Variants in LRRC7 observed in about 807,000 individuals in gnomAD.
The protein encoded by LRRC7 is leucine rich repeat containing 7.
Under a neutral mutation model 175.7 loss-of-function variants are expected in LRRC7, and 23 were observed. The observed-to-expected ratio is 0.13, with a 90% confidence interval of 0.09 to 0.19. The LOEUF (loss-of-function observed/expected upper bound fraction) is 0.19. Ranked by LOEUF, LRRC7 falls within the 10% of genes least tolerant of loss-of-function variation. LRRC7 has a pLI of 1.00. For synonymous variants in LRRC7, 685 were observed against 680.9 expected (o/e 1.01, Z -0.09); for missense variants, 1,354 against 1,904.7 (o/e 0.71, Z 5.38).
At chr1:70,120,910 G>A (rs1189883295) in intron 26 of LRRC7, among the ~76,000 whole-genome samples, 3 of 151,946 alleles carry the variant, frequency 2.0e-5, no homozygotes, top group Non-Finnish European at 4.4e-5. Context: ...AAGGCTTATG[G>A]GATACACTTC....
chr1:69,826,112 T>G (rs1400919593), intron 5 of LRRC7, among the ~76,000 whole-genome samples: 1 of 152,130 alleles, frequency 6.6e-6, no homozygotes, highest in Non-Finnish European at 1.5e-5. Flanking sequence ...GAGTTGAAAC[T>G]AATAAAACAG....
At chr1:69,856,487 CT>C (rs1683644669) in intron 7 of LRRC7, among the ~76,000 whole-genome samples, 2 of 152,128 alleles carry the variant, frequency 1.3e-5, no homozygotes, top group Non-Finnish European at 2.9e-5. Flanking sequence ...ATAAACACCT[CT>C]ACACAAATAG....
chr1:69,885,417 G>A (rs1315320453), intron 7 of LRRC7, among the ~76,000 whole-genome samples: 4 of 145,226 alleles, frequency 2.8e-5, no homozygotes, highest in Non-Finnish European at 1.5e-5. Context: ...GGTGTTTGTA[G>A]TATTCTCTGA....
At chr1:69,934,798 T>C (rs1199178612) in intron 8 of LRRC7, among the ~76,000 whole-genome samples, 3 of 152,248 alleles carry the variant, frequency 2.0e-5, no homozygotes, top group African/African-American at 7.2e-5. Flanking sequence ...ATCATCCTCT[T>C]TGCTGACCAT....
chr1:70,054,366 A>G (rs1660969818), intron 23 of LRRC7, among the ~76,000 whole-genome samples: 1 of 152,168 alleles, frequency 6.6e-6, no homozygotes, highest in African/African-American at 2.4e-5. Flanking sequence ...ATGTAATACC[A>G]TGTTTACAAA....
intron 26 of LRRC7, among the ~76,000 whole-genome samples, chr1:70,120,153 T>C (rs113343235): frequency 6.8e-4 from 104 of 152,076 alleles, no homozygotes; most frequent in Non-Finnish European, 1.3e-3. Context: ...AAATGTAACC[T>C]CATTGTCTGA....
rs536045162 is a variant in LRRC7 at position 70,126,266 on chromosome 1, C to G, written c.*4379C>G. ...ACTAATTTGTGATATGCCGACCAAA[C>G]AGCAAGTTTATTGGCACACTGGGTC... is the stretch of plus-strand genomic sequence containing the variant. On this transcript the variant is annotated 3_prime_UTR_variant, in exon 27 of 27. Coordinates refer to ENST00000651989, the MANE Select transcript of LRRC7 (RefSeq NM_001370785.2). 2.0e-5 allele frequency among the ~76,000 whole-genome samples: 3 copies of G among 151,902 alleles called. No homozygotes were observed. Among genetic ancestry groups the G allele is most frequent in the African/African-American group, 7.3e-5 (3 of 41,336 alleles).
intron 8 of LRRC7, among the ~76,000 whole-genome samples, chr1:69,965,910 C>T (rs1651619854): frequency 6.6e-6 from 1 of 152,050 alleles, no homozygotes; most frequent in Middle Eastern, 3.4e-3. Flanking sequence ...AAAAGATTTC[C>T]CACTTGTGAG....
intron 18 of LRRC7, among the ~76,000 whole-genome samples, chr1:70,029,534 A>T (rs1193138872): frequency 6.6e-6 from 1 of 152,144 alleles, no homozygotes; most frequent in Non-Finnish European, 1.5e-5. Context: ...TTTTTTGCTT[A>T]TAAAATCAGT....
At position 69,938,995 on chromosome 1, in the gene LRRC7, T is replaced by TTATA. The variant is rs71583104; in HGVS notation, c.711+7441_711+7444dup. 5.2e-3 allele frequency among the ~76,000 whole-genome samples: 511 copies of TTATA among 97,400 alleles called. 21 individuals carry two copies. Among genetic ancestry groups the TTATA allele is most frequent in the African/African-American group, 0.011 (274 of 25,228 alleles). 63.9% of individuals were successfully genotyped at this position (97,400 alleles called of 152,430 possible). A position where few individuals can be genotyped will look rare whatever the true frequency, so the allele number is the denominator to read the frequency against. ...TTTGTAAAGCCACTAAGGCTGTAGA[T>TTATA]TATATATATATATATATATCTATAT... is the stretch of plus-strand genomic sequence containing the variant. On this transcript the variant is annotated intron_variant, in intron 8 of 26. Transcript: ENST00000651989.
At chr1:69,602,535 A>G (rs1647119324) in intron 1 of LRRC7, among the ~76,000 whole-genome samples, 1 of 148,760 alleles carries the variant, frequency 6.7e-6, no homozygotes, top group Non-Finnish European at 1.5e-5. Context: ...TACTAATGTC[A>G]AATCTTTGTT....
chr1:69,775,669 C>A (rs1425401344), intron 3 of LRRC7, among the ~76,000 whole-genome samples: 1 of 152,158 alleles, frequency 6.6e-6, no homozygotes, highest in Admixed American at 6.5e-5. Flanking sequence ...GAGTCAGGAT[C>A]TACTATAGCA....
chr1:70,085,221 G>T (rs1663517430), intron 24 of LRRC7, among the ~76,000 whole-genome samples: 1 of 152,176 alleles, frequency 6.6e-6, no homozygotes, highest in Admixed American at 6.5e-5. Context: ...CTAAGGTGAT[G>T]AACTTTACTC....
chr1:69,656,371 C>G (rs1390703558), intron 1 of LRRC7, among the ~76,000 whole-genome samples: 1 of 151,904 alleles, frequency 6.6e-6, no homozygotes, highest in Non-Finnish European at 1.5e-5. Context: ...ATGAACAAAA[C>G]TGCAACTGTA....
rs754261582 is a variant in LRRC7, at chr1:70,036,163, C to T, written c.2038C>T (p.Leu680Phe). 25 of 1,613,158 alleles carry T rather than the reference C, an allele frequency of 1.5e-5. 1 individual carries two copies. In the South Asian group the frequency reaches 2.6e-4, roughly 17 times the overall value. The change falls in exon 19 of 27, where the codon CTT (leucine) becomes TTT (phenylalanine). Residue 680 changes from leucine (L) to phenylalanine (F), a missense_variant. Leu to Phe is a conservative substitution (Grantham distance 22). Around this residue, in one of 4 missense-constraint regions of LRRC7, gnomAD observed 1,032 missense variants for 1,227.2 expected, o/e 0.84. Coordinates refer to ENST00000651989, the MANE Select transcript of LRRC7 (RefSeq NM_001370785.2). ...HPANEMRIGE[L>F]HPSLAETPLY... ...AGCTAATGAAATGAGGATTGGGGAACTTCACCCTTCATTAGCTGAGACCCC... is the reference window on the plus strand; with the variant it reads ...AGCTAATGAAATGAGGATTGGGGAATTTCACCCTTCATTAGCTGAGACCCC...
In LRRC7 at chr1:70,039,266, G is replaced by A. The variant is rs375269941; in HGVS notation, c.3442G>A (p.Ala1148Thr). Reference protein sequence around the residue: ...NAQFASQGARAGFLRRADSLV... With the variant: ...NAQFASQGARTGFLRRADSLV... ...CCAGTTCGCAAGCCAAGGGGCCAGG[G>A]CGGGCTTCCTGAGAAGGGCCGACTC... Residue 1148 changes from alanine (A) to threonine (T), a missense_variant, in exon 21 of 27, where the codon GCG becomes ACG. Around this residue, in one of 4 missense-constraint regions of LRRC7, gnomAD observed 1,032 missense variants for 1,227.2 expected, o/e 0.84. Coordinates refer to ENST00000651989, the MANE Select transcript of LRRC7 (RefSeq NM_001370785.2). 32 of 1,614,072 alleles carry A rather than the reference G, an allele frequency of 2.0e-5. No individual in the cohort carries two copies. The highest frequency in any genetic ancestry group is 3.3e-4 in the Middle Eastern group (2 of 6,060).
chr1:69,665,869 CAG>C (rs2100551935), intron 1 of LRRC7, among the ~76,000 whole-genome samples: 1 of 152,046 alleles, frequency 6.6e-6, no homozygotes, highest in South Asian at 2.1e-4. Context: ...TGTTGAAAAA[CAG>C]TGGGGAAAGT....
At chr1:69,803,362 A>G (rs554449741) in intron 4 of LRRC7, among the ~76,000 whole-genome samples, 6 of 151,570 alleles carry the variant, frequency 4.0e-5, no homozygotes, top group South Asian at 4.1e-4. Flanking sequence ...CCTTTGGCAT[A>G]GTAAAAGTTG....
At chr1:70,027,035 C>CATCCAGAAAGTTCCAGG (rs1187594233) in intron 17 of LRRC7, among the ~76,000 whole-genome samples, 2 of 151,984 alleles carry the variant, frequency 1.3e-5, no homozygotes, top group East Asian at 3.9e-4. Flanking sequence ...GTGCCCCTCA[C>CATCCAGAAAGTTCCAGG]TCTTTCTCTC....
Sources: allele counts gnomAD v4.1 joint callset (sites outside exome capture counted in the v4.1 genomes callset), GRCh38; gene constraint gnomAD v4.1.1; regional missense constraint gnomAD v4.1.1; transcripts MANE v1.5; gene names NCBI Gene and HGNC (gene_info 2026-07-23, HGNC 2026-07-21).